Variants in CCDC88A observed in about 807,000 individuals in gnomAD.
CCDC88A encodes the protein coiled-coil and HOOK domain protein 88A.
CCDC88A carries 54 observed loss-of-function variants against 234.3 expected under a neutral mutation model. That is an observed-to-expected ratio of 0.23 (90% confidence interval 0.19 to 0.29). CCDC88A has a LOEUF of 0.29. Among genes scored for constraint, CCDC88A ranks in the 10% least tolerant of loss-of-function variants. The pLI is 1.00. For synonymous variants in CCDC88A, 753 were observed against 737.8 expected, an observed-to-expected ratio of 1.02 and a Z score of -0.33; for missense variants, 1,832 against 2,123.4, an observed-to-expected ratio of 0.86 and a Z score of 2.70.
At chr2:55,413,342 AC>A (rs1680815083) in intron 2 of CCDC88A, among the ~76,000 whole-genome samples, 2 of 152,232 alleles carry the variant, frequency 1.3e-5, no homozygotes, top group South Asian at 4.1e-4. Context: ...TAGTGGGTCA[AC>A]AAAACAGAAA....
At chr2:55,330,335 T>C (rs943116326) in intron 16 of CCDC88A, among the ~76,000 whole-genome samples, 5 of 144,792 alleles carry the variant, frequency 3.5e-5, no homozygotes, top group Middle Eastern at 3.6e-3. Context: ...TAGCCAGGCA[T>C]GGTGGTGCGT....
At chr2:55,310,206 T>G (rs1257284587) in intron 23 of CCDC88A, among the ~76,000 whole-genome samples, 1 of 152,194 alleles carries the variant, frequency 6.6e-6, no homozygotes, top group Non-Finnish European at 1.5e-5. Flanking sequence ...AAATCAGAAG[T>G]ATTGAAAGTT....
At chr2:55,347,000 A>G (rs1010126134) in intron 9 of CCDC88A, among the ~76,000 whole-genome samples, 1 of 152,206 alleles carries the variant, frequency 6.6e-6, no homozygotes, top group South Asian at 2.1e-4. Context: ...CTATGTAACA[A>G]CCATTTGCAA....
At chr2:55,297,390 TTATATATAA>T (rs1680309186) in intron 29 of CCDC88A, among the ~76,000 whole-genome samples, 1 of 110,384 alleles carries the variant, frequency 9.1e-6, no homozygotes, top group Non-Finnish European at 1.7e-5. Flanking sequence ...TAAATATATA[TTATATATAA>T]ATATACATAT....
chr2:55,324,685 G>A (rs571250966), intron 17 of CCDC88A, among the ~76,000 whole-genome samples: 15 of 151,156 alleles, frequency 9.9e-5, no homozygotes, highest in African/African-American at 2.4e-4. Flanking sequence ...TCGCTCTGTC[G>A]CCCAGGCTGG....
At chr2:55,299,721 T>A (rs1680650094) in intron 29 of CCDC88A, 118 bp downstream of exon 29, 3 of 675,706 alleles carry the variant, frequency 4.4e-6, no homozygotes, top group Non-Finnish European at 7.9e-6. Context: ...TCCAAACAAC[T>A]ATGTTCCAAA....
intron 8 of CCDC88A, 49 bp from the exon 9 acceptor site, chr2:55,349,648 G>C: frequency 8.0e-7 from 1 of 1,249,502 alleles, no homozygotes; most frequent in Non-Finnish European, 1.2e-6. Context: ...TGAAAACTGT[G>C]ATCATCATCT....
At chr2:55,295,562 T>C in intron 31 of CCDC88A, 35 bp downstream of exon 31, 1 of 1,614,124 alleles carries the variant, frequency 6.2e-7, no homozygotes, top group Non-Finnish European at 8.5e-7. Context: ...GGATGTCAAG[T>C]ATATGAGAGG....
At chr2:55,367,485 C>A (rs1326488252) in intron 5 of CCDC88A, among the ~76,000 whole-genome samples, 2 of 128,282 alleles carry the variant, frequency 1.6e-5, no homozygotes, top group Non-Finnish European at 3.3e-5. Context: ...TTTAAATATT[C>A]TCAGAAAAAC....
chr2:55,358,252 A>G (rs994821827), intron 7 of CCDC88A, among the ~76,000 whole-genome samples: 33 of 152,338 alleles, frequency 2.2e-4, no homozygotes, highest in African/African-American at 7.5e-4. Context: ...TAGACATGAT[A>G]AAACTTAGGC....
intron 17 of CCDC88A, chr2:55,324,348 A>C (rs1684002296): frequency 6.6e-6 from 1 of 152,188 alleles, no homozygotes; most frequent in Non-Finnish European, 1.5e-5. Flanking sequence ...ACATGACAGA[A>C]CACTTCCATC....
intron 8 of CCDC88A, among the ~76,000 whole-genome samples, chr2:55,354,898 C>A (rs1477582019): frequency 6.6e-6 from 1 of 151,124 alleles, no homozygotes; most frequent in Non-Finnish European, 1.5e-5. Flanking sequence ...TTTTTCTTTT[C>A]TTTTTTTACT....
chr2:55,347,657 G>A (rs1256156590), intron 9 of CCDC88A, among the ~76,000 whole-genome samples: 6 of 124,654 alleles, frequency 4.8e-5, no homozygotes, highest in Non-Finnish European at 9.5e-5. Context: ...CACGCAGGCT[G>A]GAGTGCAGCA....
At chr2:55,405,153 G>A (rs1679338208) in intron 2 of CCDC88A, 1 of 152,232 alleles carries the variant, frequency 6.6e-6, no homozygotes, top group Non-Finnish European at 1.5e-5. Context: ...AATCATACAT[G>A]CAGTATGCTT....
At chr2:55,307,288 A>C (rs76277798) in intron 25 of CCDC88A, among the ~76,000 whole-genome samples, 1 of 152,216 alleles carries the variant, frequency 6.6e-6, no homozygotes, top group Non-Finnish European at 1.5e-5. Flanking sequence ...GCATATTATA[A>C]TGCGGTACTT....
rs148441375 is a variant in CCDC88A at position 55,328,314 on chromosome 2, A to G, written c.2977T>C (p.Leu993=). Residue 993 remains leucine (L), a synonymous_variant, in exon 17 of 33, where the codon TTG becomes CTG. Coordinates refer to ENST00000436346, the MANE Select transcript of CCDC88A (RefSeq NM_001365480.1). The surrounding 1 kb of genome is among the most constrained non-coding windows in gnomAD (Gnocchi z 4.3). ...LEESTNYNQQ[L]RQELKTVKKN... ...CTTACTGTTTTAAGTTCTTGGCGCA[A>G]TTGCTGGTTATAATTCGTGGATTCT... 2.2e-5 allele frequency: 35 copies of G among 1,593,866 alleles called. No individual in the cohort carries two copies. Among genetic ancestry groups the G allele is most frequent in the Non-Finnish European group, 2.6e-5 (31 of 1,173,050 alleles).
At chr2:55,390,896 T>C (rs569658220) in intron 2 of CCDC88A, among the ~76,000 whole-genome samples, 10 of 151,974 alleles carry the variant, frequency 6.6e-5, no homozygotes, top group African/African-American at 1.2e-4. Flanking sequence ...TCCCAGGACT[T>C]TGGGAAGCTA....
intron 3 of CCDC88A, among the ~76,000 whole-genome samples, chr2:55,379,347 G>A (rs575731337): frequency 6.6e-6 from 1 of 152,146 alleles, no homozygotes; most frequent in South Asian, 2.1e-4. Context: ...AACTAATGAA[G>A]ATACTTCAAT....
intron 2 of CCDC88A, among the ~76,000 whole-genome samples, chr2:55,407,946 G>A (rs1224715874): frequency 6.6e-6 from 1 of 151,570 alleles, no homozygotes; most frequent in Admixed American, 6.6e-5. Context: ...TCGAACTTCT[G>A]ACCTCAAGTG....
Sources: gnomAD v4.1 joint callset for allele counts (sites outside exome capture counted in the v4.1 genomes callset) on GRCh38, gnomAD v4.1.1 for gene constraint, Gnocchi (gnomAD v3.1) non-coding constraint, MANE v1.5 for transcripts, NCBI Gene and HGNC (gene_info 2026-07-23, HGNC 2026-07-21) for gene names.